SGCZ: variants seen among roughly 807,000 people sequenced by gnomAD.
The protein encoded by SGCZ is sarcoglycan zeta, also known as zeta-sarcoglycan.
Under a neutral mutation model 41.3 loss-of-function variants are expected in SGCZ, and 40 were observed. The observed-to-expected ratio is 0.97, with a 90% CI of 0.75 to 1.26. The LOEUF (loss-of-function observed/expected upper bound fraction) is 1.26, where lower values mean the gene tolerates loss of function less well. Among genes scored for constraint, SGCZ ranks in the 50% most tolerant of loss-of-function variants. The pLI is 0.00. For missense variants in SGCZ, 552 were observed against 369.8 expected (o/e 1.49, Z -4.04); for synonymous variants, 206 against 137.5 (o/e 1.50, Z -3.49).
At chr8:14,590,687 G>C (rs1380989185) in intron 1 of SGCZ, among the ~76,000 whole-genome samples, 2 of 148,496 alleles carry the variant, frequency 1.3e-5, no homozygotes, top group Admixed American at 6.8e-5. Context: ...ATATTTCCTA[G>C]TACATATATA....
At chr8:14,547,795 G>A (rs182982915) in intron 2 of SGCZ, among the ~76,000 whole-genome samples, 42 of 152,236 alleles carry the variant, frequency 2.8e-4, no homozygotes, top group African/African-American at 9.9e-4. Flanking sequence ...CAGGCTATTT[G>A]CCTCCAAAGC....
At chr8:14,734,916 G>C (rs761042562) in intron 1 of SGCZ, among the ~76,000 whole-genome samples, 11 of 152,054 alleles carry the variant, frequency 7.2e-5, no homozygotes, top group Non-Finnish European at 1.5e-4. Flanking sequence ...TGTTTAACAT[G>C]GTATGGGAAT....
chr8:14,444,058 A>G (rs1332200658), intron 2 of SGCZ, among the ~76,000 whole-genome samples: 1 of 152,250 alleles, frequency 6.6e-6, no homozygotes, highest in African/African-American at 2.4e-5. Context: ...GACACATGAA[A>G]AAATGCTCAT....
chr8:14,502,187 T>C (rs1211678034), intron 2 of SGCZ, among the ~76,000 whole-genome samples: 4 of 152,090 alleles, frequency 2.6e-5, no homozygotes, highest in Admixed American at 6.6e-5. Context: ...TGTATTCTTG[T>C]GAAGCATCTC....
chr8:14,246,210 A>T (rs961299834), intron 3 of SGCZ, among the ~76,000 whole-genome samples: 1 of 152,238 alleles, frequency 6.6e-6, no homozygotes, highest in Non-Finnish European at 1.5e-5. Context: ...ATGTCCAACA[A>T]TGATAGACTG....
intron 2 of SGCZ, among the ~76,000 whole-genome samples, chr8:14,491,260 C>T (rs1054118602): frequency 2.6e-5 from 4 of 151,972 alleles, no homozygotes; most frequent in African/African-American, 7.3e-5. Flanking sequence ...AATGTAAACA[C>T]ACACACACTC....
At chr8:14,401,412 T>G (rs1445196972) in intron 2 of SGCZ, among the ~76,000 whole-genome samples, 1 of 147,188 alleles carries the variant, frequency 6.8e-6, no homozygotes, top group African/African-American at 2.6e-5. Flanking sequence ...GCATTAGGTA[T>G]ATCTCCTAAA....
chr8:14,109,216 C>T (rs192526507), intron 5 of SGCZ, among the ~76,000 whole-genome samples: 1 of 152,282 alleles, frequency 6.6e-6, no homozygotes, highest in Non-Finnish European at 1.5e-5. Flanking sequence ...CCGAAGAGGT[C>T]ATATACTCTA....
chr8:15,018,428 C>G (rs780698881), intron 1 of SGCZ, among the ~76,000 whole-genome samples: 1 of 152,056 alleles, frequency 6.6e-6, no homozygotes, highest in African/African-American at 2.4e-5. Flanking sequence ...ATGAAAATGA[C>G]GAGGCAGTAC....
At chr8:14,228,706 T>A (rs1806458298) in intron 4 of SGCZ, among the ~76,000 whole-genome samples, 1 of 152,038 alleles carries the variant, frequency 6.6e-6, no homozygotes, top group African/African-American at 2.4e-5. Context: ...ACAATATGTC[T>A]TAAAAGAGGC....
At chr8:14,335,065 C>G (rs1802463351) in intron 2 of SGCZ, among the ~76,000 whole-genome samples, 1 of 152,044 alleles carries the variant, frequency 6.6e-6, no homozygotes, top group Non-Finnish European at 1.5e-5. Context: ...CACAGATGAG[C>G]AAGTTGACTC....
intron 1 of SGCZ, among the ~76,000 whole-genome samples, chr8:15,079,372 C>A (rs59906071): frequency 0.093 from 14,169 of 152,104 alleles, 1,000 homozygotes; most frequent in East Asian, 0.28. Flanking sequence ...AACTTCAGTC[C>A]TATATTTTTT....
At chr8:14,419,646 G>C (rs1434555552) in intron 2 of SGCZ, among the ~76,000 whole-genome samples, 1 of 151,922 alleles carries the variant, frequency 6.6e-6, no homozygotes, top group East Asian at 1.9e-4. Context: ...CAACTATAAT[G>C]TTTGATGAAA....
intron 1 of SGCZ, among the ~76,000 whole-genome samples, chr8:14,976,077 C>T (rs545207052): frequency 2.0e-5 from 3 of 149,682 alleles, no homozygotes; most frequent in Non-Finnish European, 4.4e-5. Flanking sequence ...AGCTGTAGTG[C>T]AGTGGCACGA....
chr8:14,103,446 A>C (rs1802097945), intron 6 of SGCZ, among the ~76,000 whole-genome samples: 1 of 152,128 alleles, frequency 6.6e-6, no homozygotes, highest in South Asian at 2.1e-4. Flanking sequence ...CCTCGGGCTC[A>C]CATTCACTGT....
At chr8:14,724,421 T>A (rs1335271765) in intron 1 of SGCZ, among the ~76,000 whole-genome samples, 3 of 151,952 alleles carry the variant, frequency 2.0e-5, no homozygotes, top group Admixed American at 2.0e-4. Flanking sequence ...GCTTTCATGG[T>A]ATACTGCAAA....
At position 14,669,693 on chromosome 8, in the gene SGCZ, T is replaced by TAC. The variant is rs35602830; in HGVS notation, c.40-114769_40-114768dup. Among the ~76,000 whole-genome samples the TAC allele has an allele frequency of 3.5e-3, 516 of 147,662 alleles. 3 individuals carry two copies. The highest frequency in any genetic ancestry group is 0.034 in the East Asian group (168 of 4,956). On this transcript the variant is annotated intron_variant, in intron 1 of 7. Coordinates refer to ENST00000382080, the MANE Select transcript of SGCZ (RefSeq NM_139167.4). ...GCTGAATAATATTCCATTTTGTGTA[T>TAC]ACACACACACACACACACACACACA...
At chr8:14,668,570 T>C (rs1807989918) in intron 1 of SGCZ, among the ~76,000 whole-genome samples, 1 of 152,184 alleles carries the variant, frequency 6.6e-6, no homozygotes, top group Non-Finnish European at 1.5e-5. Context: ...TACTTTAAAA[T>C]ATAAGTTTTA....
chr8:14,806,973 A>C (rs991017083), intron 1 of SGCZ, among the ~76,000 whole-genome samples: 20 of 152,072 alleles, frequency 1.3e-4, no homozygotes, highest in African/African-American at 4.6e-4. Flanking sequence ...AGAGCCAAAG[A>C]CAAAAACCAC....
Sources: gnomAD v4.1 joint callset for allele counts (sites outside exome capture counted in the v4.1 genomes callset) on GRCh38, gnomAD v4.1.1 for gene constraint, MANE v1.5 for transcripts, NCBI Gene and HGNC (gene_info 2026-07-23, HGNC 2026-07-21) for gene names.